The following WWOX variants were observed in gnomAD, a reference collection of about 807,000 sequenced individuals.
The protein encoded by WWOX is WW domain containing oxidoreductase.
A neutral mutation model predicts 46.2 loss-of-function variants in WWOX; 69 were observed. The ratio of observed to expected loss-of-function variants is 1.49; its 90% CI spans 1.23 to 1.82. The LOEUF is 1.82. Among genes scored for constraint, WWOX ranks in the 40% most tolerant of loss-of-function variants. WWOX has a pLI of 0.00. For missense variants in WWOX, 919 were observed against 542.6 expected (o/e 1.69, Z -6.89); for synonymous variants, 359 against 202.6 (o/e 1.77, Z -6.56).
intron 8 of WWOX, among the ~76,000 whole-genome samples, chr16:78,585,381 C>A (rs778193292): frequency 1.0e-3 from 159 of 152,188 alleles, no homozygotes; most frequent in Non-Finnish European, 1.9e-3. Context: ...CATTCTTTAT[C>A]TTTGGGGATC....
chr16:78,391,972 T>G (rs2082182727), intron 6 of WWOX, among the ~76,000 whole-genome samples: 1 of 151,876 alleles, frequency 6.6e-6, no homozygotes, highest in South Asian at 2.1e-4. Context: ...GTCGATGCAT[T>G]TTTAATCTAT....
chr16:79,035,550 A>C lies in WWOX; in HGVS notation c.1057-176058A>C, dbSNP rs558578201. 2.0e-5 allele frequency among the ~76,000 whole-genome samples: 3 copies of C among 151,956 alleles called. No homozygotes were observed. In the South Asian group the frequency reaches 6.2e-4, roughly 32 times the overall value. ...GTCAGCTTATTTTATTTATTTATTA[A>C]TTTTTTGAGATGGAGTCTCACTCTA... On this transcript the variant is annotated intron_variant, in intron 8 of 8. Transcript: ENST00000566780.
chr16:78,866,913 C>T (rs1217094425), intron 8 of WWOX, among the ~76,000 whole-genome samples: 1 of 152,214 alleles, frequency 6.6e-6, no homozygotes, highest in Non-Finnish European at 1.5e-5. Flanking sequence ...CAAACTCTTT[C>T]TTTGGTCTGA....
chr16:78,448,817 G>C (rs1597100217), intron 8 of WWOX, among the ~76,000 whole-genome samples: 1 of 152,128 alleles, frequency 6.6e-6, no homozygotes, highest in Non-Finnish European at 1.5e-5. Flanking sequence ...TTTTATGGCT[G>C]CTTCTGATCA....
intron 5 of WWOX, among the ~76,000 whole-genome samples, chr16:78,309,282 C>T (rs1379355617): frequency 1.3e-5 from 2 of 152,204 alleles, no homozygotes; most frequent in Non-Finnish European, 2.9e-5. Context: ...TGCGTTCATT[C>T]TGCTTCCTGC....
At chr16:78,756,822 A>G (rs776960847) in intron 8 of WWOX, 489 of 627,172 alleles carry the variant, frequency 7.8e-4, no homozygotes, top group Middle Eastern at 1.3e-3. Context: ...TCGGACACCT[A>G]ATACTACTGA....
intron 5 of WWOX, among the ~76,000 whole-genome samples, chr16:78,352,025 G>A (rs1405634244): frequency 6.6e-6 from 1 of 152,174 alleles, no homozygotes; most frequent in South Asian, 2.1e-4. Context: ...AGCAGTTGAT[G>A]ATCCAGAGCT....
chr16:78,592,072 G>T (rs1259763276), intron 8 of WWOX, among the ~76,000 whole-genome samples: 1 of 152,106 alleles, frequency 6.6e-6, no homozygotes, highest in Admixed American at 6.6e-5. Flanking sequence ...AGGTCAATAC[G>T]TGTGGATATT....
chr16:79,023,235 A>G (rs1279585102), intron 8 of WWOX, among the ~76,000 whole-genome samples: 1 of 152,202 alleles, frequency 6.6e-6, no homozygotes, highest in Non-Finnish European at 1.5e-5. Context: ...AAGGCTGTCA[A>G]GCTGTGTAAT....
chr16:78,778,734 T>G lies in WWOX; in HGVS notation c.1056+345982T>G, dbSNP rs563130996. Among the ~76,000 whole-genome samples, 4 of 152,276 alleles carry G rather than the reference T, an allele frequency of 2.6e-5. No individual in the cohort carries two copies. In the South Asian group the frequency reaches 6.2e-4, roughly 24 times the overall value. ...TTTGCAGATTGGCCTGAAGGAAGAC[T>G]TCTCTTGAAAAACTCAAACCAAAGA... On this transcript the variant is annotated intron_variant, in intron 8 of 8. Transcript: ENST00000566780.
At chr16:78,795,190 T>C (rs1302576523) in intron 8 of WWOX, among the ~76,000 whole-genome samples, 3 of 152,204 alleles carry the variant, frequency 2.0e-5, no homozygotes, top group Non-Finnish European at 4.4e-5. Flanking sequence ...CCAGATATTG[T>C]GCTAAGTGCT....
At chr16:78,989,368 CAA>C (rs2046840329) in intron 8 of WWOX, among the ~76,000 whole-genome samples, 1 of 152,046 alleles carries the variant, frequency 6.6e-6, no homozygotes, top group Admixed American at 6.5e-5. Flanking sequence ...CTTGGATCCC[CAA>C]GATAGAATGG....
At chr16:78,393,852 A>T (rs1052520743) in intron 6 of WWOX, among the ~76,000 whole-genome samples, 4 of 138,632 alleles carry the variant, frequency 2.9e-5, no homozygotes, top group Admixed American at 1.4e-4. Context: ...TTTTTTAATT[A>T]AAAAAAAGGT....
At chr16:78,774,623 C>T (rs967952034) in intron 8 of WWOX, among the ~76,000 whole-genome samples, 5 of 151,924 alleles carry the variant, frequency 3.3e-5, no homozygotes, top group African/African-American at 9.7e-5. Context: ...TGGCACATGG[C>T]GTTGTTCTTA....
In WWOX at chr16:78,386,874, A is replaced by G. The variant is rs1451196383; in HGVS notation, c.531A>G (p.Val177=). Residue 177 remains valine, a synonymous_variant, in exon 6 of 9, where the codon GTA becomes GTG. Coordinates refer to ENST00000566780, the MANE Select transcript of WWOX (RefSeq NM_016373.4). The part of the protein sequence containing the change: ...RILEEWHKAK[V]EAMTLDLALL... Reference sequence around the variant, plus strand: ...TCTCATTGCAGCATAAAGCCAAGGTAGAAGCAATGACCCTGGACCTCGCTC... The same window carrying G: ...TCTCATTGCAGCATAAAGCCAAGGTGGAAGCAATGACCCTGGACCTCGCTC... 2.5e-6 allele frequency: 4 copies of G among 1,614,102 alleles called. No individual in the cohort carries two copies. Among genetic ancestry groups the G allele is most frequent in the Non-Finnish European group, 3.4e-6 (4 of 1,179,944 alleles).
At chr16:78,572,423 C>T (rs57996870) in intron 8 of WWOX, among the ~76,000 whole-genome samples, 19,534 of 151,760 alleles carry the variant, frequency 0.13, 1,391 homozygotes, top group South Asian at 0.18. Context: ...ACTGAGACCC[C>T]ATCTCTACTA....
intron 8 of WWOX, among the ~76,000 whole-genome samples, chr16:78,697,134 A>C (rs2048117834): frequency 1.3e-5 from 2 of 152,312 alleles, no homozygotes; most frequent in Admixed American, 1.3e-4. Flanking sequence ...TGCGTGTGCA[A>C]GTATGTCTTT....
chr16:78,765,585 G>C (rs2049907899), intron 8 of WWOX, among the ~76,000 whole-genome samples: 4 of 152,090 alleles, frequency 2.6e-5, no homozygotes, highest in Admixed American at 2.0e-4. Context: ...AGGCTGAGGT[G>C]GGAGAATTGC....
chr16:78,684,839 G>A (rs1349299387), intron 8 of WWOX, among the ~76,000 whole-genome samples: 3 of 152,148 alleles, frequency 2.0e-5, no homozygotes, highest in Non-Finnish European at 4.4e-5. Context: ...TCAGAAAAGA[G>A]GGAGCCAGGA....
Sources: gnomAD v4.1 joint callset for allele counts (sites outside exome capture counted in the v4.1 genomes callset) on GRCh38, gnomAD v4.1.1 for gene constraint, MANE v1.5 for transcripts, NCBI Gene and HGNC (gene_info 2026-07-23, HGNC 2026-07-21) for gene names.